The following SLCO1B3 variants were observed in gnomAD, a reference collection of about 807,000 sequenced individuals.
SLCO1B3 encodes solute carrier organic anion transporter family member 1B3, also known as liver-specific organic anion transporter 2.
A neutral mutation model predicts 71.8 loss-of-function variants in SLCO1B3; 72 were observed. That is an observed-to-expected ratio of 1.00 (90% CI 0.83 to 1.22). SLCO1B3 has a LOEUF of 1.22. Among genes scored for constraint, SLCO1B3 ranks in the 50% most tolerant of loss-of-function variants. The pLI is 0.00. For synonymous variants in SLCO1B3, 298 were observed against 278.4 expected (o/e 1.07, Z -0.70); for missense variants, 911 against 819.7 (o/e 1.11, Z -1.36).
At chr12:20,855,283 G>T in intron 4 of SLCO1B3, 114 bp downstream of exon 4, 4 of 844,126 alleles carry the variant, frequency 4.7e-6, no homozygotes, top group Non-Finnish European at 5.4e-6. Flanking sequence ...TCTCTCATGG[G>T]CAATTTGGCA....
chr12:20,810,908 C>G (rs1591735804), intron 1 of SLCO1B3, 144 bp downstream of exon 1: 1 of 152,218 alleles, frequency 6.6e-6, no homozygotes, highest in East Asian at 1.9e-4. Flanking sequence ...GTTCTGAGCC[C>G]TTAAAGCCTT....
intron 15 of SLCO1B3, among the ~76,000 whole-genome samples, chr12:20,905,895 A>G (rs1591792095): frequency 6.6e-6 from 1 of 152,332 alleles, no homozygotes; most frequent in Non-Finnish European, 1.5e-5. Flanking sequence ...TCCCACTCCC[A>G]GTACCAATAT....
chr12:20,862,014 A>T (rs1191892331), intron 6 of SLCO1B3, among the ~76,000 whole-genome samples: 21 of 152,144 alleles, frequency 1.4e-4, no homozygotes, highest in Non-Finnish European at 3.1e-4. Context: ...TCAACACACT[A>T]CTATGCAGTA....
intron 6 of SLCO1B3, among the ~76,000 whole-genome samples, chr12:20,861,515 A>G (rs1865265317): frequency 6.6e-6 from 1 of 152,210 alleles, no homozygotes; most frequent in Admixed American, 6.5e-5. Flanking sequence ...TTGTATACCA[A>G]GGGCATTTAG....
At chr12:20,880,645 A>G (rs865973854) in intron 11 of SLCO1B3, among the ~76,000 whole-genome samples, 3 of 152,156 alleles carry the variant, frequency 2.0e-5, no homozygotes, top group African/African-American at 2.4e-5. Flanking sequence ...TTAAAAGTCA[A>G]TAAGCATTAC....
At chr12:20,823,678 T>A (rs1744974027) in intron 3 of SLCO1B3, among the ~76,000 whole-genome samples, 1 of 152,238 alleles carries the variant, frequency 6.6e-6, no homozygotes, top group South Asian at 2.1e-4. Flanking sequence ...GCACTACGAA[T>A]GTAAGATTAG....
At chr12:20,885,444 A>G (rs994163293) in intron 13 of SLCO1B3, among the ~76,000 whole-genome samples, 1 of 152,116 alleles carries the variant, frequency 6.6e-6, no homozygotes, top group Non-Finnish European at 1.5e-5. Context: ...GGGAGTGGAT[A>G]TATATAGAAG....
chr12:20,861,156 C>A lies in SLCO1B3; in HGVS notation c.481+18C>A. The A allele has an allele frequency of 6.5e-7, 1 of 1,542,930 alleles. No individual in the cohort carries two copies. Among genetic ancestry groups the A allele is most frequent in the South Asian group, 1.2e-5 (1 of 82,078 alleles). On this transcript the variant is annotated intron_variant, in intron 6 of 15. Transcript: ENST00000381545. The stretch of plus-strand genomic sequence containing the variant: ...AGAAAAAGGTAAGAATTAATAGTGA[C>A]AGTAAAACAAATTCTAGATTGATAG...
At chr12:20,824,886 A>T (rs755786002) in intron 3 of SLCO1B3, among the ~76,000 whole-genome samples, 2 of 152,182 alleles carry the variant, frequency 1.3e-5, no homozygotes, top group Admixed American at 6.5e-5. Context: ...AAAATACTTA[A>T]TATGATAATA....
intron 8 of SLCO1B3, among the ~76,000 whole-genome samples, chr12:20,866,697 C>T (rs1865378673): frequency 6.7e-6 from 1 of 149,352 alleles, no homozygotes; most frequent in South Asian, 2.2e-4. Context: ...TCTACCTGAG[C>T]AGGTTTTTAA....
chr12:20,841,282 G>GA (rs1362800011), intron 3 of SLCO1B3, among the ~76,000 whole-genome samples: 2 of 151,912 alleles, frequency 1.3e-5, no homozygotes, highest in Non-Finnish European at 2.9e-5. Flanking sequence ...CTTGATGTTA[G>GA]AAAAAAATGG....
At chr12:20,845,293 G>C (rs1864893004) in intron 3 of SLCO1B3, 14 of 269,836 alleles carry the variant, frequency 5.2e-5, no homozygotes, top group Non-Finnish European at 8.1e-5. Flanking sequence ...TAGTGAAAAG[G>C]TTTGACCCTG....
In SLCO1B3 at chr12:20,901,611, G is replaced by C. The variant is rs543359856; in HGVS notation, c.1865+144G>C. On this transcript the variant is annotated intron_variant, in intron 15 of 15. Coordinates refer to ENST00000381545, the MANE Select transcript of SLCO1B3 (RefSeq NM_019844.4). ...TACTTTGTATTCACTATTGTATCAA[G>C]CATTCTGGTATCTCATTTTAATACT... 1.4e-4 allele frequency: 75 copies of C among 532,316 alleles called. No homozygotes were observed. In the African/African-American group the frequency reaches 1.5e-3, roughly 10 times the overall value. The allele number at this position is 532,316 out of a possible 1,614,324, so 33.0% of individuals were successfully genotyped here.
chr12:20,912,773 C>T (rs997816377), intron 15 of SLCO1B3, among the ~76,000 whole-genome samples: 17 of 150,766 alleles, frequency 1.1e-4, no homozygotes, highest in African/African-American at 3.9e-4. Context: ...CCACCCATCT[C>T]GGCCTCCCAA....
intron 14 of SLCO1B3, among the ~76,000 whole-genome samples, chr12:20,899,606 C>T (rs1866086764): frequency 6.6e-6 from 1 of 152,170 alleles, no homozygotes; most frequent in Admixed American, 6.5e-5. Context: ...CTAACCGTCC[C>T]TTTCTGTGTC....
intron 13 of SLCO1B3, among the ~76,000 whole-genome samples, chr12:20,893,275 A>G (rs1684996825): frequency 6.6e-6 from 1 of 152,196 alleles, no homozygotes; most frequent in South Asian, 2.1e-4. Context: ...CATTGGGAGC[A>G]TAATCTATAT....
intron 15 of SLCO1B3, among the ~76,000 whole-genome samples, chr12:20,903,882 T>C (rs1866179377): frequency 6.6e-6 from 1 of 152,122 alleles, no homozygotes; most frequent in Admixed American, 6.5e-5. Flanking sequence ...AAGCCCACAG[T>C]CCAAAGTCTC....
chr12:20,857,788 A>G (rs184781776), intron 4 of SLCO1B3, among the ~76,000 whole-genome samples: 38 of 152,132 alleles, frequency 2.5e-4, no homozygotes, highest in African/African-American at 8.4e-4. Flanking sequence ...TGTCTGTTCA[A>G]TGTTATATAT....
chr12:20,837,355 T>G (rs1278163160), intron 3 of SLCO1B3, among the ~76,000 whole-genome samples: 1 of 152,078 alleles, frequency 6.6e-6, no homozygotes, highest in African/African-American at 2.4e-5. Flanking sequence ...TTCTTCTTCT[T>G]GCTTTGAATT....
Sources: gnomAD v4.1 joint callset for allele counts (sites outside exome capture counted in the v4.1 genomes callset) on GRCh38, gnomAD v4.1.1 for gene constraint, MANE v1.5 for transcripts, NCBI Gene and HGNC (gene_info 2026-07-23, HGNC 2026-07-21) for gene names.